The following GAD2 variants were observed in gnomAD, a reference collection of about 807,000 sequenced individuals.
GAD2 encodes the protein glutamate decarboxylase 2.
In GAD2, 22 loss-of-function variants were observed where a neutral mutation model predicts 80.1. The ratio of observed to expected loss-of-function variants is 0.27; its 90% CI spans 0.20 to 0.39. GAD2 has a LOEUF of 0.39. Among genes scored for constraint, GAD2 ranks in the 10% least tolerant of loss-of-function variants. GAD2 has a pLI of 1.00. For synonymous variants in GAD2, 274 were observed against 256.9 expected (o/e 1.07, Z -0.64); for missense variants, 624 against 738.4 (o/e 0.85, Z 1.80).
intron 8 of GAD2, among the ~76,000 whole-genome samples, chr10:26,259,065 A>G (rs1844978347): frequency 6.6e-6 from 1 of 152,108 alleles, no homozygotes; most frequent in Admixed American, 6.6e-5. Context: ...TGATCCACCC[A>G]CCTCAGCCTC....
At chr10:26,216,514 G>A, upstream of GAD2, 1 of 250,562 alleles carries the variant, frequency 4.0e-6, no homozygotes. The surrounding 1 kb of genome is among the most constrained non-coding windows in gnomAD (Gnocchi z 4.7). Flanking sequence ...GGCTCTCCGC[G>A]CTTTCCTGAG....
intron 8 of GAD2, among the ~76,000 whole-genome samples, chr10:26,264,580 G>A (rs1291254372): frequency 6.6e-6 from 1 of 152,146 alleles, no homozygotes; most frequent in Non-Finnish European, 1.5e-5. Context: ...AAAGTGCTGG[G>A]ATAACAGGCG....
In GAD2 at chr10:26,216,889, G is replaced by T; in HGVS notation, c.76+4G>T. ...GATTCCGAGAATCCCGGCACAGGTA[G>T]GAAGGAGAACGGGGGCCTGCGGCGG... On this transcript the variant is annotated splice_donor_region_variant and intron_variant, in intron 1 of 15. Transcript: ENST00000376261. The surrounding 1 kb of genome is among the most constrained non-coding windows in gnomAD (Gnocchi z 4.7). The T allele has an allele frequency of 6.2e-7, 1 of 1,609,188 alleles. No individual in the cohort carries two copies. The highest frequency in any genetic ancestry group is 8.5e-7 in the Non-Finnish European group (1 of 1,177,816).
rs372041328 is a variant in GAD2 at position 26,304,039 on chromosome 10, A to G, written c.*3078A>G. 1 of 152,318 alleles carries G rather than the reference A, an allele frequency of 6.6e-6. No homozygotes were observed. The highest frequency in any genetic ancestry group is 1.9e-4 in the East Asian group (1 of 5,186). 9.4% of individuals were successfully genotyped at this position (152,318 alleles called of 1,614,324 possible). Reference sequence around the variant, plus strand: ...CTCCACATCGGCTCTAATAGAGAACATGCCCTCAGCTAAGCCCCCTACTGA... The same window carrying G: ...CTCCACATCGGCTCTAATAGAGAACGTGCCCTCAGCTAAGCCCCCTACTGA... On this transcript the variant is annotated 3_prime_UTR_variant, in exon 16 of 16. Transcript: ENST00000376261.
At chr10:26,235,899 A>G (rs1844664303) in intron 7 of GAD2, among the ~76,000 whole-genome samples, 1 of 152,176 alleles carries the variant, frequency 6.6e-6, no homozygotes, top group African/African-American at 2.4e-5. Context: ...TCTTCCGCGA[A>G]ACAGCATAAC....
chr10:26,294,325 C>G (rs1381595515), intron 15 of GAD2, among the ~76,000 whole-genome samples: 1 of 151,994 alleles, frequency 6.6e-6, no homozygotes, highest in Admixed American at 6.6e-5. Context: ...GATATAAAAC[C>G]TTCACTAAAG....
At chr10:26,253,843 G>A (rs1008854167) in intron 8 of GAD2, among the ~76,000 whole-genome samples, 1 of 152,118 alleles carries the variant, frequency 6.6e-6, no homozygotes, top group East Asian at 1.9e-4. Context: ...AAATGTCCCA[G>A]GCAGACGCCA....
chr10:26,263,159 C>CA (rs1329482163), intron 8 of GAD2, among the ~76,000 whole-genome samples: 1 of 152,124 alleles, frequency 6.6e-6, no homozygotes, highest in African/African-American at 2.4e-5. Flanking sequence ...GAATTATACA[C>CA]AAAAAATCAC....
chr10:26,217,795 G>A lies in GAD2; in HGVS notation c.137-47G>A. The stretch of plus-strand genomic sequence containing the variant: ...CGGGTAGGCGGGAGCGAGGGAGCCG[G>A]GCCCGGCGGAGGATTGACGAGGCCC... On this transcript the variant is annotated intron_variant, in intron 2 of 15. Transcript: ENST00000376261. This position sits in a 1 kb window ranked among gnomAD's most constrained non-coding sequence, Gnocchi z 4.9. 6.3e-7 allele frequency: 1 copy of A among 1,581,066 alleles called. No individual in the cohort carries two copies. The highest frequency in any genetic ancestry group is 1.1e-5 in the South Asian group (1 of 88,236).
chr10:26,299,998 T>G (rs1834312068), intron 15 of GAD2, among the ~76,000 whole-genome samples: 1 of 151,748 alleles, frequency 6.6e-6, no homozygotes, highest in Non-Finnish European at 1.5e-5. Flanking sequence ...AATAAAGGAG[T>G]CTTGTCAGAG....
intron 3 of GAD2, among the ~76,000 whole-genome samples, chr10:26,218,658 C>T (rs1477019214): frequency 1.3e-5 from 2 of 151,612 alleles, no homozygotes; most frequent in African/African-American, 4.8e-5. Context: ...TTTGGTTTGC[C>T]CGAAGGCATT....
intron 13 of GAD2, among the ~76,000 whole-genome samples, chr10:26,289,870 G>A (rs938184465): frequency 6.8e-6 from 1 of 145,990 alleles, no homozygotes; most frequent in African/African-American, 2.6e-5. Context: ...TCAGCTCACT[G>A]CAGCCTCCAT....
chr10:26,236,976 G>A (rs113860836), intron 7 of GAD2, among the ~76,000 whole-genome samples: 10 of 152,302 alleles, frequency 6.6e-5, no homozygotes, highest in African/African-American at 2.2e-4. Flanking sequence ...TGCCTCTCCT[G>A]GGGATATTCC....
chr10:26,265,007 G>A (rs907368932), intron 8 of GAD2, among the ~76,000 whole-genome samples: 3 of 152,096 alleles, frequency 2.0e-5, no homozygotes, highest in African/African-American at 7.2e-5. Context: ...GCTTTCTTTG[G>A]TAAGATAATC....
intron 4 of GAD2, among the ~76,000 whole-genome samples, chr10:26,223,196 C>T (rs1370266153): frequency 6.6e-6 from 1 of 152,112 alleles, no homozygotes; most frequent in East Asian, 1.9e-4. Context: ...CTGTATGTGG[C>T]CTTATTTTAA....
chr10:26,223,580 A>G (rs984436881), intron 4 of GAD2, among the ~76,000 whole-genome samples: 2 of 152,106 alleles, frequency 1.3e-5, no homozygotes, highest in Non-Finnish European at 2.9e-5. Context: ...ATTGCAAACC[A>G]TATTTGTTAT....
At chr10:26,246,650 C>CATTT (rs1472114272) in intron 8 of GAD2, among the ~76,000 whole-genome samples, 1 of 152,108 alleles carries the variant, frequency 6.6e-6, no homozygotes, top group African/African-American at 2.4e-5. Flanking sequence ...CTCAATTGGC[C>CATTT]ATTTATTTAT....
chr10:26,244,529 G>A (rs756516518), intron 7 of GAD2, among the ~76,000 whole-genome samples: 14 of 152,214 alleles, frequency 9.2e-5, no homozygotes, highest in Non-Finnish European at 1.8e-4. Context: ...GTATGTACAT[G>A]TAATAGAATG....
At chr10:26,242,276 G>A (rs1396422746) in intron 7 of GAD2, among the ~76,000 whole-genome samples, 1 of 151,480 alleles carries the variant, frequency 6.6e-6, no homozygotes, top group East Asian at 1.9e-4. Flanking sequence ...GTGAGCCACC[G>A]CGCCCGGCCA....
Sources: gnomAD v4.1 joint callset for allele counts (sites outside exome capture counted in the v4.1 genomes callset) on GRCh38, gnomAD v4.1.1 for gene constraint, Gnocchi (gnomAD v3.1) non-coding constraint, MANE v1.5 for transcripts, NCBI Gene and HGNC (gene_info 2026-07-23, HGNC 2026-07-21) for gene names.